KHDRBS2: variants seen among roughly 807,000 people sequenced by gnomAD.
KHDRBS2 encodes KH RNA binding domain containing, signal transduction associated 2, also known as KH domain-containing, RNA-binding, signal transduction-associated protein 2.
Under a neutral mutation model 44.3 loss-of-function variants are expected in KHDRBS2, and 26 were observed. The ratio of observed to expected loss-of-function variants is 0.59; its 90% confidence interval spans 0.43 to 0.81. The LOEUF is 0.81. Ranked by LOEUF, KHDRBS2 falls within the 40% of genes least tolerant of loss-of-function variation. The pLI is 0.00. For synonymous variants in KHDRBS2, 194 were observed against 151.1 expected (o/e 1.28, Z -2.08); for missense variants, 476 against 433.1 (o/e 1.10, Z -0.88).
intron 2 of KHDRBS2, among the ~76,000 whole-genome samples, chr6:62,061,913 T>C (rs1355127914): frequency 6.6e-6 from 1 of 151,776 alleles, no homozygotes; most frequent in African/African-American, 2.4e-5. Context: ...TCTCGCTTCA[T>C]TTCATTTATT....
chr6:62,086,871 G>A (rs931191646), intron 2 of KHDRBS2, among the ~76,000 whole-genome samples: 1 of 151,460 alleles, frequency 6.6e-6, no homozygotes, highest in African/African-American at 2.4e-5. Flanking sequence ...GACAGGCAGG[G>A]ATCCATTTCA....
intron 4 of KHDRBS2, among the ~76,000 whole-genome samples, chr6:61,937,572 G>A (rs1425000361): frequency 6.6e-6 from 1 of 151,964 alleles, no homozygotes; most frequent in African/African-American, 2.4e-5. Flanking sequence ...TCTACTATAT[G>A]AGTATCGGGC....
At chr6:61,636,134 G>A in the KHDRBS2 span, among the ~76,000 whole-genome samples, 2 of 151,892 alleles carry the variant, frequency 1.3e-5, no homozygotes, top group Non-Finnish European at 2.9e-5. Context: ...TTTTTGTATG[G>A]TCAAATCATT....
At chr6:61,550,476 T>G in the KHDRBS2 span, among the ~76,000 whole-genome samples, 1 of 152,202 alleles carries the variant, frequency 6.6e-6, no homozygotes, top group Non-Finnish European at 1.5e-5. Context: ...TCTTTGTTAT[T>G]GTGATAGTGC....
At chr6:61,621,136 G>A in the KHDRBS2 span, among the ~76,000 whole-genome samples, 1 of 152,158 alleles carries the variant, frequency 6.6e-6, no homozygotes, top group Admixed American at 6.5e-5. Flanking sequence ...AAGGACACCG[G>A]CCTGAGTAGA....
the KHDRBS2 span, among the ~76,000 whole-genome samples, chr6:61,646,157 T>G: frequency 1.3e-5 from 2 of 152,222 alleles, no homozygotes; most frequent in African/African-American, 4.8e-5. Flanking sequence ...GGTGTGATCT[T>G]GGACAATTCC....
intron 2 of KHDRBS2, among the ~76,000 whole-genome samples, chr6:62,106,959 A>C (rs1197581672): frequency 1.3e-5 from 2 of 152,122 alleles, no homozygotes; most frequent in South Asian, 2.1e-4. Flanking sequence ...AATAAGAGCC[A>C]TCTAAGACAA....
At chr6:62,007,483 G>A (rs187243427) in intron 3 of KHDRBS2, among the ~76,000 whole-genome samples, 87 of 151,882 alleles carry the variant, frequency 5.7e-4, no homozygotes, top group African/African-American at 2.0e-3. Context: ...CTAATCGGGT[G>A]TATGAAAACT....
At chr6:62,089,831 T>C (rs895546898) in intron 2 of KHDRBS2, among the ~76,000 whole-genome samples, 5 of 152,316 alleles carry the variant, frequency 3.3e-5, no homozygotes, top group African/African-American at 1.2e-4. Context: ...TTTTGAAGAC[T>C]ATTGTTTGTG....
At chr6:62,206,093 C>T (rs1217861829) in intron 1 of KHDRBS2, among the ~76,000 whole-genome samples, 1 of 152,124 alleles carries the variant, frequency 6.6e-6, no homozygotes, top group African/African-American at 2.4e-5. Flanking sequence ...TCCATTCATG[C>T]TATTTAAAAT....
At chr6:62,269,506 A>C (rs899890010) in intron 1 of KHDRBS2, among the ~76,000 whole-genome samples, 4 of 152,086 alleles carry the variant, frequency 2.6e-5, no homozygotes, top group Non-Finnish European at 5.9e-5. Context: ...ATTAATATTC[A>C]AGGAGATGCA....
chr6:61,817,669 C>T (rs995183208), intron 6 of KHDRBS2, among the ~76,000 whole-genome samples: 1 of 151,956 alleles, frequency 6.6e-6, no homozygotes, highest in Non-Finnish European at 1.5e-5. Context: ...TAGTTATTAG[C>T]CATATTAGTG....
intron 6 of KHDRBS2, among the ~76,000 whole-genome samples, chr6:61,808,739 A>T (rs1430926916): frequency 6.6e-6 from 1 of 152,114 alleles, no homozygotes; most frequent in Non-Finnish European, 1.5e-5. Context: ...ACATTTTAGG[A>T]TTTGAAATGA....
chr6:62,244,744 C>T (rs749835264), intron 1 of KHDRBS2, among the ~76,000 whole-genome samples: 2 of 152,008 alleles, frequency 1.3e-5, no homozygotes, highest in Non-Finnish European at 2.9e-5. Flanking sequence ...CACAGATCTC[C>T]GAAGTCAGCC....
chr6:62,215,882 T>A (rs184379184), intron 1 of KHDRBS2, among the ~76,000 whole-genome samples: 1 of 151,808 alleles, frequency 6.6e-6, no homozygotes, highest in African/African-American at 2.4e-5. Flanking sequence ...AGATAATCAA[T>A]GTAAATATTA....
At chr6:61,740,175 AG>A (rs1303262786) in intron 6 of KHDRBS2, among the ~76,000 whole-genome samples, 2 of 151,894 alleles carry the variant, frequency 1.3e-5, no homozygotes, top group Non-Finnish European at 2.9e-5. Flanking sequence ...TTCCCCGAAA[AG>A]TTGTTGTTTG....
intron 7 of KHDRBS2, among the ~76,000 whole-genome samples, chr6:61,727,161 A>T (rs1269045491): frequency 6.6e-6 from 1 of 152,194 alleles, no homozygotes; most frequent in East Asian, 1.9e-4. Flanking sequence ...AACAAACCTG[A>T]CAAAAACAAG....
intron 6 of KHDRBS2, among the ~76,000 whole-genome samples, chr6:61,786,136 C>T (rs1783773386): frequency 6.6e-6 from 1 of 151,702 alleles, no homozygotes; most frequent in Non-Finnish European, 1.5e-5. Flanking sequence ...ACAATGCTAG[C>T]CTTTAAATTG....
intron 4 of KHDRBS2, among the ~76,000 whole-genome samples, chr6:61,951,838 T>G (rs996039435): frequency 2.0e-5 from 3 of 151,788 alleles, no homozygotes; most frequent in African/African-American, 4.8e-5. Context: ...TTGTTGAGAT[T>G]TTTTTTTAGT....
Sources: allele counts gnomAD v4.1 joint callset (sites outside exome capture counted in the v4.1 genomes callset), GRCh38; gene constraint gnomAD v4.1.1; transcripts MANE v1.5; gene names NCBI Gene and HGNC (gene_info 2026-07-23, HGNC 2026-07-21).